Variants in EPAS1 observed in about 807,000 individuals in gnomAD.
The protein encoded by EPAS1 is endothelial PAS domain protein 1.
EPAS1 carries 23 observed loss-of-function variants against 87.9 expected under a neutral mutation model. The observed-to-expected ratio is 0.26, with a 90% CI of 0.19 to 0.37. The LOEUF (loss-of-function observed/expected upper bound fraction) is 0.37. EPAS1 is among the 10% of genes least tolerant of loss of function. EPAS1 has a pLI of 1.00. For synonymous variants in EPAS1, 508 were observed against 444.3 expected, an observed-to-expected ratio of 1.14 and a Z score of -1.80; for missense variants, 1,138 against 1,120.7, an observed-to-expected ratio of 1.02 and a Z score of -0.22.
At chr2:46,344,102 A>T (rs895516613) in intron 1 of EPAS1, among the ~76,000 whole-genome samples, 2 of 152,250 alleles carry the variant, frequency 1.3e-5, no homozygotes, top group African/African-American at 4.8e-5. Flanking sequence ...CACATCTCTA[A>T]ACTGTGTAAA....
chr2:46,379,410 C>G (rs2103670445), intron 11 of EPAS1, among the ~76,000 whole-genome samples: 1 of 152,312 alleles, frequency 6.6e-6, no homozygotes, highest in Middle Eastern at 3.4e-3. Flanking sequence ...CTTGATCCTA[C>G]TTGGCACAAA....
At chr2:46,340,183 C>T (rs1273603995) in intron 1 of EPAS1, among the ~76,000 whole-genome samples, 3 of 151,906 alleles carry the variant, frequency 2.0e-5, no homozygotes, top group African/African-American at 2.4e-5. Context: ...GCTTAGTAAT[C>T]GAATCTGCTG....
intron 2 of EPAS1, among the ~76,000 whole-genome samples, chr2:46,351,327 T>C (rs758234759): frequency 6.6e-6 from 1 of 152,202 alleles, no homozygotes; most frequent in Non-Finnish European, 1.5e-5. Flanking sequence ...AGAGGCAAGA[T>C]AGGATAGTAA....
rs540882783 is a variant in EPAS1 at position 46,350,255 on chromosome 2, C to G, written c.217+3192C>G. On this transcript the variant is annotated intron_variant, in intron 2 of 15. Transcript: ENST00000263734. Reference sequence around the variant, plus strand: ...TCCAAGGCAAAACAACCCACACATTCATTATTTAAGCATTTCTAACAAAGG... The same window carrying G: ...TCCAAGGCAAAACAACCCACACATTGATTATTTAAGCATTTCTAACAAAGG... Among the ~76,000 whole-genome samples, 6 of 152,298 alleles carry G rather than the reference C, an allele frequency of 3.9e-5. 1 individual carries two copies. The South Asian group carries it at 1.2e-3, about 32-fold the overall frequency.
At chr2:46,343,189 C>T (rs1683946309) in intron 1 of EPAS1, among the ~76,000 whole-genome samples, 1 of 152,186 alleles carries the variant, frequency 6.6e-6, no homozygotes, top group East Asian at 1.9e-4. Context: ...CACTTAGTCC[C>T]TTCTTCCCCC....
At position 46,369,910 on chromosome 2, in the gene EPAS1, A is replaced by G; in HGVS notation, c.863A>G (p.Asn288Ser). ...TTCTACCATGCGCTAGACTCCGAGA[A>G]CATGACCAAGAGTCACCAGAACTGT... ...YEFYHALDSENMTKSHQNLCT... is the reference protein window; with the variant it reads ...YEFYHALDSESMTKSHQNLCT... Residue 288 changes from asparagine (N) to serine (S), a missense_variant, in exon 7 of 16, where the codon AAC (asparagine) becomes AGC (serine). By Grantham distance (46) the Asn-to-Ser change is conservative. Transcript: ENST00000263734. The G allele has an allele frequency of 6.2e-7, 1 of 1,611,714 alleles. No individual in the cohort carries two copies. The highest frequency in any genetic ancestry group is 8.5e-7 in the Non-Finnish European group (1 of 1,178,918).
At position 46,376,558 on chromosome 2, in the gene EPAS1, G is replaced by C. The variant is rs753663085; in HGVS notation, c.1054G>C (p.Val352Leu). The C allele has an allele frequency of 3.1e-6, 5 of 1,614,098 alleles. No individual in the cohort carries two copies. The highest frequency in any genetic ancestry group is 4.2e-6 in the Non-Finnish European group (5 of 1,180,008). The stretch of plus-strand genomic sequence containing the variant: ...CATTAGTGAGATTGAGAAGAATGAC[G>C]TGGTGTTCTCCATGGACCAGACTGA... ...YVLSEIEKND[V>L]VFSMDQTESL... The change falls in exon 9 of 16, where the codon GTG becomes CTG. Residue 352 changes from valine to leucine, a missense_variant. Transcript: ENST00000263734.
At chr2:46,366,935 G>C (rs1189435493) in intron 6 of EPAS1, among the ~76,000 whole-genome samples, 1 of 152,270 alleles carries the variant, frequency 6.6e-6, no homozygotes, top group Admixed American at 6.5e-5. Context: ...TGAGCTTTAA[G>C]TTGGGGTTTC....
intron 4 of EPAS1, among the ~76,000 whole-genome samples, chr2:46,358,899 T>C (rs116142034): frequency 1.3e-5 from 2 of 152,120 alleles, no homozygotes; most frequent in Non-Finnish European, 2.9e-5. Context: ...CTTTATTCCA[T>C]AGACAATGGG....
At position 46,359,388 on chromosome 2, in the gene EPAS1, C is replaced by G. The variant is rs531469597; in HGVS notation, c.455-1250C>G. 3.3e-5 allele frequency among the ~76,000 whole-genome samples: 5 copies of G among 151,652 alleles called. No individual in the cohort carries two copies. The East Asian group carries it at 7.8e-4, about 24-fold the overall frequency. On this transcript the variant is annotated intron_variant, in intron 4 of 15. Coordinates refer to ENST00000263734, the MANE Select transcript of EPAS1 (RefSeq NM_001430.5). The stretch of plus-strand genomic sequence containing the variant: ...ATCCCTCCAGCCCCCTTATACCCAA[C>G]AACTGGTCTGGTCCTGGTGGTGGGG...
intron 1 of EPAS1, among the ~76,000 whole-genome samples, chr2:46,319,134 A>T (rs1263034932): frequency 6.6e-6 from 1 of 152,218 alleles, no homozygotes; most frequent in Non-Finnish European, 1.5e-5. Context: ...ATAGCTGCAA[A>T]ATAAAAGGTT....
chr2:46,357,527 G>A (rs191961919), intron 4 of EPAS1, among the ~76,000 whole-genome samples: 1 of 152,336 alleles, frequency 6.6e-6, no homozygotes, highest in Admixed American at 6.5e-5. Flanking sequence ...CAGGCCTTCT[G>A]AAGGCTTTGT....
intron 1 of EPAS1, among the ~76,000 whole-genome samples, chr2:46,329,138 C>G (rs1396363992): frequency 6.6e-6 from 1 of 152,186 alleles, no homozygotes; most frequent in East Asian, 1.9e-4. Flanking sequence ...TATTACATTT[C>G]TTTTCCTTAA....
At chr2:46,381,341 G>C (rs184498334) in intron 12 of EPAS1, 15 of 555,184 alleles carry the variant, frequency 2.7e-5, no homozygotes, top group Admixed American at 8.7e-5. Flanking sequence ...ACCCTCCTAA[G>C]GACTAACATT....
At position 46,346,292 on chromosome 2, in the gene EPAS1, T is replaced by C. The variant is rs1279643454; in HGVS notation, c.27-581T>C. On this transcript the variant is annotated intron_variant, in intron 1 of 15. Coordinates refer to ENST00000263734, the MANE Select transcript of EPAS1 (RefSeq NM_001430.5). The surrounding 1 kb of genome is among the most constrained non-coding windows in gnomAD (Gnocchi z 4.0). ...CAGAACGCACGTTGGTACTCTAGAC[T>C]GTTGGGTGTCTGGCTAACTGTTCTG... 6.6e-6 allele frequency among the ~76,000 whole-genome samples: 1 copy of C among 152,212 alleles called. No individual in the cohort carries two copies. Among genetic ancestry groups the C allele is most frequent in the Non-Finnish European group, 1.5e-5 (1 of 68,034 alleles).
At chr2:46,379,995 A>G (rs1299748968) in intron 11 of EPAS1, 2 of 645,712 alleles carry the variant, frequency 3.1e-6, no homozygotes, top group Non-Finnish European at 5.5e-6. Context: ...CTCAATGTGC[A>G]GGGTGAAGAG....
Position 46,323,054 on chromosome 2 carries a change from G to C in EPAS1, c.27-23819G>C, listed in dbSNP as rs114186127. On this transcript the variant is annotated intron_variant, in intron 1 of 15. Coordinates refer to ENST00000263734, the MANE Select transcript of EPAS1 (RefSeq NM_001430.5). ...GAGCTCCAGTCTTATCTGCCTAGGA[G>C]GGAAGAGCGTGGTAGATTGCAGGCT... Among the ~76,000 whole-genome samples, 637 of 152,338 alleles carry C rather than the reference G, an allele frequency of 4.2e-3. 2 individuals carry two copies. The highest frequency in any genetic ancestry group is 6.8e-3 in the Non-Finnish European group (462 of 68,032).
rs766856517 is a variant in EPAS1 at position 46,356,296 on chromosome 2, T to G, written c.363T>G (p.Leu121=). The change falls in exon 3 of 16, where the codon CTT becomes CTG. Residue 121 remains leucine (L), a synonymous_variant. Coordinates refer to ENST00000263734, the MANE Select transcript of EPAS1 (RefSeq NM_001430.5). The stretch of plus-strand genomic sequence containing the variant: ...AAAACATCAGCAAGTTCATGGGACT[T>G]ACACAGGTGACACCCTCCTCTATCT... ...LSENISKFMG[L]TQVELTGHSI... is the part of the protein sequence containing the mutation. The G allele has an allele frequency of 1.7e-5, 28 of 1,614,054 alleles. No homozygotes were observed. Among genetic ancestry groups the G allele is most frequent in the African/African-American group, 2.7e-5 (2 of 74,926 alleles).
At chr2:46,306,416 TCCATGGTGAGGGAAA>T (rs1683109835) in intron 1 of EPAS1, among the ~76,000 whole-genome samples, 1 of 152,168 alleles carries the variant, frequency 6.6e-6, no homozygotes, top group Non-Finnish European at 1.5e-5. Flanking sequence ...GACCTGGTTG[TCCATGGTGAGGGAAA>T]GCCCATATGT....
Sources: gnomAD v4.1 joint callset for allele counts (sites outside exome capture counted in the v4.1 genomes callset) on GRCh38, gnomAD v4.1.1 for gene constraint, Gnocchi (gnomAD v3.1) non-coding constraint, MANE v1.5 for transcripts, NCBI Gene and HGNC (gene_info 2026-07-23, HGNC 2026-07-21) for gene names.